Variants in OCA2 observed in about 807,000 individuals in gnomAD.
OCA2 encodes P protein.
A neutral mutation model predicts 100.2 loss-of-function variants in OCA2; 77 were observed. The observed-to-expected ratio is 0.77, with a 90% CI of 0.64 to 0.93. The LOEUF (loss-of-function observed/expected upper bound fraction) is 0.93. Ranked by LOEUF, OCA2 falls within the 40% of genes least tolerant of loss-of-function variation. The probability of loss-of-function intolerance (pLI) is 0.00; values close to 1 mark genes in which losing one functional copy is unlikely to be tolerated. For synonymous variants in OCA2, 432 were observed against 439.2 expected (o/e 0.98, Z 0.21); for missense variants, 1,062 against 1,089.1 (o/e 0.98, Z 0.35).
At chr15:27,960,040 G>C (rs1191590005) in intron 15 of OCA2, among the ~76,000 whole-genome samples, 1 of 152,136 alleles carries the variant, frequency 6.6e-6, no homozygotes, top group Non-Finnish European at 1.5e-5. Flanking sequence ...TCCCCACCCT[G>C]TCTACTCTGC....
intron 21 of OCA2, among the ~76,000 whole-genome samples, chr15:27,860,098 C>T (rs1273031353): frequency 6.6e-6 from 1 of 151,880 alleles, no homozygotes; most frequent in Non-Finnish European, 1.5e-5. Flanking sequence ...AAGTAAAATA[C>T]ACAGTATGCT....
chr15:27,873,416 C>T (rs2036664797), intron 19 of OCA2, among the ~76,000 whole-genome samples: 1 of 152,320 alleles, frequency 6.6e-6, no homozygotes, highest in African/African-American at 2.4e-5. Context: ...AATAATTTAT[C>T]ATAATCCAAA....
chr15:28,072,974 C>T (rs2044312559), intron 2 of OCA2, among the ~76,000 whole-genome samples: 1 of 152,186 alleles, frequency 6.6e-6, no homozygotes, highest in African/African-American at 2.4e-5. Flanking sequence ...AAAAATCATT[C>T]TACCAAAAAT....
At chr15:28,041,321 TA>T (rs3071601) in intron 2 of OCA2, among the ~76,000 whole-genome samples, 39,664 of 144,754 alleles carry the variant, frequency 0.27, 7,683 homozygotes, top group East Asian at 0.68. Context: ...CTTTCATGAT[TA>T]AAAAAAAAAA....
At position 27,865,210 on chromosome 15, in the gene OCA2, G is replaced by A. The variant is rs547465206; in HGVS notation, c.2244+5944C>T. Reference sequence around the variant, plus strand: ...GACTCAATTCCCTGGAATACCACGCGAAGGCTGCTGAAATGCCCCACACAG... The same window carrying A: ...GACTCAATTCCCTGGAATACCACGCAAAGGCTGCTGAAATGCCCCACACAG... On this transcript the variant is annotated intron_variant, in intron 21 of 23. Coordinates refer to ENST00000354638, the MANE Select transcript of OCA2 (RefSeq NM_000275.3). 9.9e-5 allele frequency among the ~76,000 whole-genome samples: 15 copies of A among 152,170 alleles called. No homozygotes were observed. In the South Asian group the frequency reaches 2.5e-3, roughly 25 times the overall value.
intron 2 of OCA2, among the ~76,000 whole-genome samples, chr15:28,042,164 CAA>C (rs544182154): frequency 1.6e-3 from 244 of 152,036 alleles, no homozygotes; most frequent in African/African-American, 5.5e-3. Context: ...AACTTGAAAA[CAA>C]GAGAAATTTG....
chr15:27,757,506 T>C (rs2030479939), intron 23 of OCA2, among the ~76,000 whole-genome samples: 1 of 152,226 alleles, frequency 6.6e-6, no homozygotes. Flanking sequence ...GATGGTGTCT[T>C]GGAATATTCT....
At chr15:27,971,769 T>C (rs553490610) in intron 14 of OCA2, among the ~76,000 whole-genome samples, 12 of 152,334 alleles carry the variant, frequency 7.9e-5, no homozygotes, top group Admixed American at 7.8e-4. Context: ...TTCCAAACTC[T>C]AGTGCTGATT....
the OCA2 span, among the ~76,000 whole-genome samples, chr15:27,730,732 AATATATATAT>A: frequency 0.018 from 1,879 of 101,856 alleles, 26 homozygotes; most frequent in East Asian, 0.043. Context: ...AAAAAGACCA[AATATATATAT>A]ATATATATAT....
Position 27,875,344 on chromosome 15 carries a change from ACT to A in OCA2, c.2080-3424_2080-3423del, listed in dbSNP as rs367660212. 2.4e-3 allele frequency among the ~76,000 whole-genome samples: 359 copies of A among 152,092 alleles called. 2 individuals carry two copies. Among genetic ancestry groups the A allele is most frequent in the African/African-American group, 8.1e-3 (338 of 41,488 alleles). On this transcript the variant is annotated intron_variant, in intron 19 of 23. Transcript: ENST00000354638. ...ACACATCGACAGAGTCTATTTCTGG[ACT>A]CTCTCTTCTGTTCCCTTAATCTATA...
At chr15:27,936,235 G>C (rs960157631) in intron 18 of OCA2, among the ~76,000 whole-genome samples, 3 of 151,674 alleles carry the variant, frequency 2.0e-5, no homozygotes, top group Admixed American at 2.0e-4. Flanking sequence ...CTTCCTTGTG[G>C]GGAGCACCCA....
chr15:28,042,472 CAA>C (rs972724008), intron 2 of OCA2, among the ~76,000 whole-genome samples: 16 of 97,258 alleles, frequency 1.6e-4, no homozygotes, highest in African/African-American at 2.7e-4. Context: ...ACTAAAAATA[CAA>C]AAAAAAAAAA....
At chr15:27,994,762 G>A (rs2041668634) in intron 9 of OCA2, among the ~76,000 whole-genome samples, 1 of 152,312 alleles carries the variant, frequency 6.6e-6, no homozygotes, top group South Asian at 2.1e-4. Flanking sequence ...GAGAAGAAAG[G>A]AAAGAGTTTG....
intron 13 of OCA2, 45 bp from the exon 14 acceptor site, chr15:27,983,528 C>A (rs774079365): frequency 6.2e-7 from 1 of 1,606,792 alleles, no homozygotes; most frequent in Admixed American, 1.7e-5. Flanking sequence ...CTATACACAT[C>A]GTGAAAGGCC....
At chr15:27,993,878 C>T (rs989834394) in intron 9 of OCA2, among the ~76,000 whole-genome samples, 5 of 152,096 alleles carry the variant, frequency 3.3e-5, no homozygotes, top group Admixed American at 6.6e-5. Context: ...GCTGATGATC[C>T]GCCTCTAGGA....
At chr15:27,774,968 C>A (rs2032106587) in intron 23 of OCA2, among the ~76,000 whole-genome samples, 1 of 151,922 alleles carries the variant, frequency 6.6e-6, no homozygotes, top group African/African-American at 2.4e-5. Flanking sequence ...TTTGTCCTGG[C>A]AGCCTGAGCA....
chr15:27,926,330 CCTTTTT>C, intron 18 of OCA2, 76 bp from the exon 19 acceptor site: 1 of 1,532,842 alleles, frequency 6.5e-7, no homozygotes, highest in Non-Finnish European at 9.0e-7. Flanking sequence ...CCTCTGGTTG[CCTTTTT>C]CTTTATCAAG....
At chr15:27,755,509 A>G in intron 23 of OCA2, 37 bp from the exon 24 acceptor site, 1 of 1,512,202 alleles carries the variant, frequency 6.6e-7, no homozygotes, top group South Asian at 1.1e-5. Flanking sequence ...GGCATCTGAA[A>G]TCTGGATAAT....
At chr15:27,963,081 A>G (rs1240990150) in intron 15 of OCA2, among the ~76,000 whole-genome samples, 2 of 152,348 alleles carry the variant, frequency 1.3e-5, no homozygotes, top group Middle Eastern at 3.4e-3. Context: ...TCAAGATGAA[A>G]GAACAATCCT....
Sources: allele counts gnomAD v4.1 joint callset (sites outside exome capture counted in the v4.1 genomes callset), GRCh38; gene constraint gnomAD v4.1.1; transcripts MANE v1.5; gene names NCBI Gene and HGNC (gene_info 2026-07-23, HGNC 2026-07-21).